Variants in MIR2052HG observed in about 807,000 individuals in gnomAD.
MIR2052HG encodes the protein MIR2052 host gene.
At chr8:74,718,487 G>C (rs1809542866) in intron 4 of MIR2052HG, among the ~76,000 whole-genome samples, 1 of 152,100 alleles carries the variant, frequency 6.6e-6, no homozygotes, top group Admixed American at 6.5e-5. Context: ...CAGTGAGTAG[G>C]AGGAAAGAAA....
intron 4 of MIR2052HG, among the ~76,000 whole-genome samples, chr8:74,718,526 G>A (rs1403666604): frequency 6.6e-6 from 1 of 152,096 alleles, no homozygotes; most frequent in South Asian, 2.1e-4. Flanking sequence ...TCCTTTTAAA[G>A]GAATAAACCA....
intron 1 of MIR2052HG, among the ~76,000 whole-genome samples, chr8:74,608,083 C>T (rs534116765): frequency 3.9e-4 from 60 of 152,266 alleles, no homozygotes; most frequent in African/African-American, 9.6e-4. Context: ...TGTAAATTGG[C>T]GGCTGTCTCT....
intron 2 of MIR2052HG, among the ~76,000 whole-genome samples, chr8:74,693,509 C>CT (rs1809260891): frequency 6.7e-6 from 1 of 148,204 alleles, no homozygotes; most frequent in Non-Finnish European, 1.5e-5. Context: ...GAAAGCCCTG[C>CT]TTGCTTTCTC....
At chr8:74,656,363 G>T (rs1205722096) in intron 2 of MIR2052HG, among the ~76,000 whole-genome samples, 2 of 152,056 alleles carry the variant, frequency 1.3e-5, no homozygotes, top group South Asian at 2.1e-4. Context: ...TACTTGAATT[G>T]TAGCTCCCAG....
chr8:74,673,685 T>A lies in MIR2052HG; in HGVS notation n.217-28694T>A, dbSNP rs1809017494. Among the ~76,000 whole-genome samples the A allele has an allele frequency of 2.6e-5, 4 of 151,828 alleles. No individual in the cohort carries two copies. In the South Asian group the frequency reaches 8.3e-4, roughly 31 times the overall value. ...AAGTTAAGAAGATATATATTGTAGT[T>A]CATTCATATTTATTCTCCCTTTACA... On this transcript the variant is annotated intron_variant and non_coding_transcript_variant, in intron 2 of 6. Coordinates refer to ENST00000523442, the Ensembl canonical transcript of MIR2052HG.
chr8:74,721,873 A>G (rs1234212317), intron 4 of MIR2052HG, among the ~76,000 whole-genome samples: 2 of 152,214 alleles, frequency 1.3e-5, no homozygotes, highest in African/African-American at 4.8e-5. Flanking sequence ...TACCTACCAT[A>G]TTCCAGATGG....
At chr8:74,749,963 G>T (rs1396221792) in intron 4 of MIR2052HG, among the ~76,000 whole-genome samples, 1 of 151,484 alleles carries the variant, frequency 6.6e-6, no homozygotes, top group African/African-American at 2.4e-5. Context: ...GCATATCCTT[G>T]CTCTCTTGCG....
At chr8:74,639,962 A>ATGG (rs1006609525) in intron 2 of MIR2052HG, among the ~76,000 whole-genome samples, 3 of 152,188 alleles carry the variant, frequency 2.0e-5, no homozygotes, top group Non-Finnish European at 4.4e-5. Flanking sequence ...CACTTGAGCC[A>ATGG]TGGTGGTACT....
chr8:74,642,052 G>A (rs1358048010), intron 2 of MIR2052HG, among the ~76,000 whole-genome samples: 2 of 151,990 alleles, frequency 1.3e-5, no homozygotes, highest in African/African-American at 2.4e-5. Flanking sequence ...CCTTTCAGAT[G>A]TTCTATTCAT....
At chr8:74,654,515 T>G (rs1586904678) in intron 2 of MIR2052HG, among the ~76,000 whole-genome samples, 1 of 152,144 alleles carries the variant, frequency 6.6e-6, no homozygotes. Context: ...TCCCATGCTA[T>G]TCTCATGGTA....
At chr8:74,626,922 C>A (rs544293778) in intron 2 of MIR2052HG, among the ~76,000 whole-genome samples, 1 of 152,298 alleles carries the variant, frequency 6.6e-6, no homozygotes, top group South Asian at 2.1e-4. Context: ...GGAAAAAGAA[C>A]AGAAATCCTT....
At chr8:74,629,561 G>A (rs535823609) in intron 2 of MIR2052HG, among the ~76,000 whole-genome samples, 2 of 152,068 alleles carry the variant, frequency 1.3e-5, no homozygotes, top group East Asian at 3.9e-4. Context: ...AGGCTTCAGG[G>A]CTCTCCTTGA....
At position 74,679,521 on chromosome 8, in the gene MIR2052HG, C is replaced by CTATTAT. The variant is rs71565406; in HGVS notation, n.217-22820_217-22815dup. Among the ~76,000 whole-genome samples, 1,197 of 141,996 alleles carry CTATTAT rather than the reference C, an allele frequency of 8.4e-3. 11 individuals carry two copies. The highest frequency in any genetic ancestry group is 0.016 in the South Asian group (70 of 4,288). 93.2% of individuals were successfully genotyped at this position (141,996 alleles called of 152,430 possible). On this transcript the variant is annotated intron_variant and non_coding_transcript_variant, in intron 2 of 6. Coordinates refer to ENST00000523442, the Ensembl canonical transcript of MIR2052HG. ...GGTTGATAGGCATTTGGCTTGTTTA[C>CTATTAT]TATTATTATTATTATTATTATTATT...
At chr8:74,629,853 G>A (rs562413215) in intron 2 of MIR2052HG, among the ~76,000 whole-genome samples, 1 of 152,260 alleles carries the variant, frequency 6.6e-6, no homozygotes, top group Admixed American at 6.5e-5. Flanking sequence ...GCTCACAACT[G>A]TTATTTCTCT....
At chr8:74,603,437 A>T in intron 1 of MIR2052HG, 1 of 1,607,876 alleles carries the variant, frequency 6.2e-7, no homozygotes, top group Non-Finnish European at 8.5e-7. Flanking sequence ...TGTGCCCCAG[A>T]CATCTGACGG....
chr8:74,656,916 A>G (rs556298180), intron 2 of MIR2052HG, among the ~76,000 whole-genome samples: 4 of 152,334 alleles, frequency 2.6e-5, no homozygotes, highest in South Asian at 4.1e-4. Context: ...TGATAATCCT[A>G]GAGAAAAGTA....
intron 4 of MIR2052HG, among the ~76,000 whole-genome samples, chr8:74,740,234 C>T (rs534444763): frequency 6.6e-6 from 1 of 152,200 alleles, no homozygotes; most frequent in East Asian, 1.9e-4. Flanking sequence ...GAGGCCGAGG[C>T]AGGTGGATCA....
intron 4 of MIR2052HG, among the ~76,000 whole-genome samples, chr8:74,744,983 G>C (rs1194893222): frequency 4.6e-5 from 7 of 152,108 alleles, no homozygotes; most frequent in African/African-American, 7.2e-5. Flanking sequence ...TCATTACAAG[G>C]TCCGGGTGTG....
At chr8:74,601,385 G>A (rs1335415402) in intron 1 of MIR2052HG, among the ~76,000 whole-genome samples, 1 of 152,146 alleles carries the variant, frequency 6.6e-6, no homozygotes, top group Non-Finnish European at 1.5e-5. Flanking sequence ...TAAGGGGTAG[G>A]CTGTGAGTGG....
Sources: allele counts gnomAD v4.1 joint callset (sites outside exome capture counted in the v4.1 genomes callset), GRCh38; gene constraint gnomAD v4.1.1; transcripts MANE v1.5; gene names NCBI Gene and HGNC (gene_info 2026-07-23, HGNC 2026-07-21).